Variants in CNBD1 observed in about 807,000 individuals in gnomAD.
The protein encoded by CNBD1 is cyclic nucleotide-binding domain-containing protein 1.
Under a neutral mutation model 54.4 loss-of-function variants are expected in CNBD1, and 71 were observed. That is an observed-to-expected ratio of 1.30 (90% CI 1.08 to 1.59). The LOEUF is 1.59. Among genes scored for constraint, CNBD1 ranks in the 40% most tolerant of loss-of-function variants. The pLI is 0.00. For synonymous variants in CNBD1, 182 were observed against 170.7 expected, an observed-to-expected ratio of 1.07 and a Z score of -0.51; for missense variants, 659 against 518.0, an observed-to-expected ratio of 1.27 and a Z score of -2.64.
intron 3 of CNBD1, among the ~76,000 whole-genome samples, chr8:86,938,315 G>T (rs867342938): frequency 3.9e-5 from 6 of 152,242 alleles, no homozygotes; most frequent in African/African-American, 1.4e-4. Context: ...ACATCCTCTT[G>T]TCTTCTTCTG....
intron 4 of CNBD1, among the ~76,000 whole-genome samples, chr8:87,195,485 C>G (rs1002242917): frequency 2.6e-4 from 40 of 151,676 alleles, no homozygotes; most frequent in African/African-American, 9.4e-4. Context: ...ACCTTGGCCT[C>G]CCAAAGTGCT....
At chr8:87,377,501 C>A (rs1474581391) in intron 10 of CNBD1, among the ~76,000 whole-genome samples, 2 of 151,974 alleles carry the variant, frequency 1.3e-5, no homozygotes, top group African/African-American at 4.8e-5. Context: ...TGTATGGCTG[C>A]ATAGTATTCC....
intron 8 of CNBD1, among the ~76,000 whole-genome samples, chr8:87,324,232 A>G (rs1034015508): frequency 3.9e-5 from 5 of 127,652 alleles, no homozygotes; most frequent in East Asian, 4.1e-4. Flanking sequence ...TTTTTGCATC[A>G]ATGTTCATCA....
chr8:86,907,328 A>G (rs1424584875), intron 3 of CNBD1, among the ~76,000 whole-genome samples: 1 of 152,214 alleles, frequency 6.6e-6, no homozygotes, highest in Non-Finnish European at 1.5e-5. Flanking sequence ...TTGACACTAT[A>G]TGAAGCACAT....
At chr8:86,893,899 C>T (rs898699617) in intron 2 of CNBD1, among the ~76,000 whole-genome samples, 1 of 151,930 alleles carries the variant, frequency 6.6e-6, no homozygotes, top group Middle Eastern at 3.2e-3. Flanking sequence ...TCTACTACTC[C>T]ACTCTAGCTT....
At chr8:87,328,690 T>C (rs1212983753) in intron 8 of CNBD1, among the ~76,000 whole-genome samples, 3 of 152,168 alleles carry the variant, frequency 2.0e-5, no homozygotes, top group Admixed American at 1.3e-4. Context: ...TAGATTACTT[T>C]GGGTATTTTG....
At chr8:87,204,011 C>A (rs1287553097) in intron 4 of CNBD1, among the ~76,000 whole-genome samples, 1 of 152,186 alleles carries the variant, frequency 6.6e-6, no homozygotes, top group Non-Finnish European at 1.5e-5. Flanking sequence ...GAACACCTGG[C>A]TCCACTACCT....
At chr8:87,191,791 A>C (rs778947444) in intron 4 of CNBD1, among the ~76,000 whole-genome samples, 3 of 152,186 alleles carry the variant, frequency 2.0e-5, no homozygotes, top group Admixed American at 6.5e-5. Context: ...CTTGACACGA[A>C]GTAACAGGGC....
intron 5 of CNBD1, among the ~76,000 whole-genome samples, chr8:87,227,328 C>T (rs1814524949): frequency 6.8e-6 from 1 of 146,124 alleles, no homozygotes; most frequent in Admixed American, 6.8e-5. Flanking sequence ...GCAGTTTCTT[C>T]CTAGTCTCGA....
intron 4 of CNBD1, among the ~76,000 whole-genome samples, chr8:87,008,574 G>T (rs952979941): frequency 6.6e-6 from 1 of 152,132 alleles, no homozygotes; most frequent in Non-Finnish European, 1.5e-5. Context: ...ATATATCCTT[G>T]CATCTAAGTC....
At chr8:86,870,904 T>C (rs139476974) in intron 1 of CNBD1, among the ~76,000 whole-genome samples, 1 of 152,342 alleles carries the variant, frequency 6.6e-6, no homozygotes, top group Non-Finnish European at 1.5e-5. Context: ...TCTGTGTCTA[T>C]ATAATCAATG....
At chr8:87,310,312 G>A (rs1172879618) in intron 8 of CNBD1, among the ~76,000 whole-genome samples, 1 of 152,088 alleles carries the variant, frequency 6.6e-6, no homozygotes, top group Non-Finnish European at 1.5e-5. Flanking sequence ...CTGTGATCAT[G>A]CCACTGCACT....
intron 8 of CNBD1, among the ~76,000 whole-genome samples, chr8:87,303,217 T>G (rs1468184888): frequency 6.6e-6 from 1 of 151,190 alleles, no homozygotes; most frequent in Non-Finnish European, 1.5e-5. Flanking sequence ...GGAGGCATCA[T>G]GCTACCTGAC....
chr8:87,423,960 T>A (rs1190507852), intron 2 of CNBD1, among the ~76,000 whole-genome samples: 3 of 152,216 alleles, frequency 2.0e-5, no homozygotes, highest in African/African-American at 7.2e-5. Context: ...CAGCTCCTGT[T>A]ATTGGTCTAT....
At chr8:87,226,114 G>T (rs1387063198) in intron 5 of CNBD1, among the ~76,000 whole-genome samples, 14 of 152,034 alleles carry the variant, frequency 9.2e-5, no homozygotes, top group Non-Finnish European at 1.3e-4. Context: ...TATTGCATCT[G>T]TTTGATTCTT....
chr8:87,238,663 C>G (rs143527196), intron 6 of CNBD1, among the ~76,000 whole-genome samples: 282 of 152,004 alleles, frequency 1.9e-3, no homozygotes, highest in Non-Finnish European at 3.0e-3. Flanking sequence ...ATATCTATCT[C>G]TCTATCATGT....
intron 8 of CNBD1, among the ~76,000 whole-genome samples, chr8:87,349,800 C>T (rs1387745387): frequency 2.6e-5 from 4 of 152,170 alleles, no homozygotes; most frequent in African/African-American, 4.8e-5. Flanking sequence ...GACAATGATT[C>T]GAGTAGCCAG....
rs933374694 is a variant in CNBD1 at position 87,322,871 on chromosome 8, T to A, written c.1043-28814T>A. The stretch of plus-strand genomic sequence containing the variant: ...TGCTTTTGGTGTTTTAGACATGAAG[T>A]CCTTGCCCATGCCTAGGTCCTGAAT... On this transcript the variant is annotated intron_variant, in intron 8 of 10. Coordinates refer to ENST00000518476, the MANE Select transcript of CNBD1 (RefSeq NM_173538.3). Among the ~76,000 whole-genome samples the A allele has an allele frequency of 7.2e-4, 85 of 118,354 alleles. 3 individuals are homozygous for A. The highest frequency in any genetic ancestry group is 1.4e-3 in the Admixed American group (16 of 11,810). 77.6% of individuals were successfully genotyped at this position (118,354 alleles called of 152,430 possible). A position where few individuals can be genotyped will look rare whatever the true frequency, so the allele number is the denominator to read the frequency against.
chr8:87,111,008 T>C (rs1811650968), intron 4 of CNBD1, among the ~76,000 whole-genome samples: 4 of 152,238 alleles, frequency 2.6e-5, no homozygotes, highest in Admixed American at 2.6e-4. Context: ...ATCTGTATTT[T>C]ATATATTTTT....
Sources: allele counts gnomAD v4.1 joint callset (sites outside exome capture counted in the v4.1 genomes callset), GRCh38; gene constraint gnomAD v4.1.1; transcripts MANE v1.5; gene names NCBI Gene and HGNC (gene_info 2026-07-23, HGNC 2026-07-21).